NKAIN2: variants seen among roughly 807,000 people sequenced by gnomAD.
NKAIN2 encodes the protein sodium/potassium transporting ATPase interacting 2, also known as sodium/potassium-transporting ATPase subunit beta-1-interacting protein 2.
A neutral mutation model predicts 32.6 loss-of-function variants in NKAIN2; 14 were observed. The ratio of observed to expected loss-of-function variants is 0.43; its 90% CI spans 0.28 to 0.67. The LOEUF (loss-of-function observed/expected upper bound fraction) is 0.67. Ranked by LOEUF, NKAIN2 falls within the 30% of genes least tolerant of loss-of-function variation. The pLI is 0.17. For synonymous variants in NKAIN2, 80 were observed against 87.2 expected (o/e 0.92, Z 0.46); for missense variants, 198 against 258.3 (o/e 0.77, Z 1.60).
chr6:123,886,578 A>T (rs2114353448), intron 1 of NKAIN2, among the ~76,000 whole-genome samples: 1 of 152,296 alleles, frequency 6.6e-6, no homozygotes, highest in African/African-American at 2.4e-5. Context: ...GAACTAATGA[A>T]AATTGCTGAT....
At chr6:124,723,040 ATGT>A (rs1300676951) in intron 4 of NKAIN2, among the ~76,000 whole-genome samples, 1 of 152,162 alleles carries the variant, frequency 6.6e-6, no homozygotes, top group Non-Finnish European at 1.5e-5. Context: ...GGTGCCTGAG[ATGT>A]TGTTTTCAAT....
intron 1 of NKAIN2, among the ~76,000 whole-genome samples, chr6:123,990,249 A>G (rs1779356604): frequency 6.6e-6 from 1 of 152,332 alleles, no homozygotes; most frequent in South Asian, 2.1e-4. Context: ...GGGGATTACA[A>G]TTCAAGATGA....
chr6:123,992,376 G>T (rs545592528), intron 1 of NKAIN2, among the ~76,000 whole-genome samples: 1 of 152,240 alleles, frequency 6.6e-6, no homozygotes, highest in Non-Finnish European at 1.5e-5. Flanking sequence ...TGAAGGTGGT[G>T]GTGGTGGTCC....
chr6:124,202,822 A>C (rs1790659385), intron 1 of NKAIN2, among the ~76,000 whole-genome samples: 1 of 151,828 alleles, frequency 6.6e-6, no homozygotes, highest in Admixed American at 6.6e-5. Context: ...CCAGAAGCTT[A>C]TGAGGGAGTT....
At chr6:124,317,579 A>T (rs964453432) in intron 2 of NKAIN2, among the ~76,000 whole-genome samples, 2 of 152,048 alleles carry the variant, frequency 1.3e-5, no homozygotes, top group African/African-American at 4.8e-5. Flanking sequence ...TGTGAACTTT[A>T]CTAGGGTGAT....
At chr6:124,449,662 A>G (rs1396228784) in intron 3 of NKAIN2, among the ~76,000 whole-genome samples, 2 of 151,952 alleles carry the variant, frequency 1.3e-5, no homozygotes, top group African/African-American at 2.4e-5. Context: ...ACACACATAC[A>G]CACACACACA....
At chr6:124,516,999 A>G (rs1378381007) in intron 3 of NKAIN2, among the ~76,000 whole-genome samples, 2 of 152,222 alleles carry the variant, frequency 1.3e-5, no homozygotes, top group African/African-American at 2.4e-5. Flanking sequence ...TTTTGAGGGC[A>G]TATAGGATAC....
At chr6:123,863,934 A>G (rs1775887312) in intron 1 of NKAIN2, among the ~76,000 whole-genome samples, 1 of 152,194 alleles carries the variant, frequency 6.6e-6, no homozygotes, top group African/African-American at 2.4e-5. Context: ...CTTAATGAAG[A>G]AAAAAGGAGT....
At chr6:123,820,760 T>C (rs960674205) in intron 1 of NKAIN2, among the ~76,000 whole-genome samples, 1 of 152,232 alleles carries the variant, frequency 6.6e-6, no homozygotes, top group Non-Finnish European at 1.5e-5. Flanking sequence ...AATTGGGATA[T>C]TGTTGCCAAC....
chr6:124,167,919 A>G (rs1332437055), intron 1 of NKAIN2, among the ~76,000 whole-genome samples: 2 of 152,132 alleles, frequency 1.3e-5, no homozygotes, highest in African/African-American at 4.8e-5. Flanking sequence ...AAACTTTGCA[A>G]TGTAATGTTT....
At chr6:124,157,348 G>GT (rs1174078979) in intron 1 of NKAIN2, among the ~76,000 whole-genome samples, 1 of 151,382 alleles carries the variant, frequency 6.6e-6, no homozygotes, top group Non-Finnish European at 1.5e-5. Context: ...ATATATTAAG[G>GT]TTTTTTATGC....
intron 5 of NKAIN2, among the ~76,000 whole-genome samples, chr6:124,808,629 G>A (rs189892798): frequency 6.6e-6 from 1 of 152,282 alleles, no homozygotes; most frequent in East Asian, 1.9e-4. Context: ...GGAAGTTATG[G>A]CCAGGGCAAT....
chr6:124,283,076 A>G lies in NKAIN2; in HGVS notation c.126A>G (p.Val42=). 1 of 1,610,744 alleles carries G rather than the reference A, an allele frequency of 6.2e-7. No individual in the cohort carries two copies. The highest frequency in any genetic ancestry group is 8.5e-7 in the Non-Finnish European group (1 of 1,176,962). Residue 42 remains valine, a synonymous_variant, in exon 2 of 7, where the codon GTA becomes GTG. Coordinates refer to ENST00000368417, the MANE Select transcript of NKAIN2 (RefSeq NM_001040214.3). Reference sequence around the variant, plus strand: ...GGGCACCTATCCTGGCAAATTTTGTACATATTATTATCGTCATTCTTGGTT... The same window carrying G: ...GGGCACCTATCCTGGCAAATTTTGTGCATATTATTATCGTCATTCTTGGTT... ...YQWAPILANF[V]HIIIVILGLF...
chr6:124,515,608 C>A (rs149213051), intron 3 of NKAIN2, among the ~76,000 whole-genome samples: 1 of 152,090 alleles, frequency 6.6e-6, no homozygotes, highest in Admixed American at 6.6e-5. Context: ...AAAGACCCCC[C>A]ATTAGGCTCC....
chr6:124,408,088 G>A (rs1161853657), intron 3 of NKAIN2, among the ~76,000 whole-genome samples: 3 of 151,994 alleles, frequency 2.0e-5, no homozygotes, highest in Non-Finnish European at 4.4e-5. Context: ...TGTAGATTCT[G>A]GATATTAGCC....
At chr6:124,101,939 G>C (rs187810128) in intron 1 of NKAIN2, among the ~76,000 whole-genome samples, 1 of 152,080 alleles carries the variant, frequency 6.6e-6, no homozygotes, top group Non-Finnish European at 1.5e-5. Context: ...AAACTTCCTG[G>C]GATCCCAATT....
At chr6:124,062,819 G>A (rs1306419699) in intron 1 of NKAIN2, among the ~76,000 whole-genome samples, 1 of 151,986 alleles carries the variant, frequency 6.6e-6, no homozygotes, top group African/African-American at 2.4e-5. Flanking sequence ...ATACTTAGTG[G>A]GTTTCTCTAT....
rs138847707 is a variant in NKAIN2, at chr6:123,984,991, A to G, written c.54+180737A>G. Among the ~76,000 whole-genome samples, 811 of 152,314 alleles carry G rather than the reference A, an allele frequency of 5.3e-3. 8 individuals carry two copies. Among genetic ancestry groups the G allele is most frequent in the African/African-American group, 0.019 (778 of 41,572 alleles). On this transcript the variant is annotated intron_variant, in intron 1 of 6. Coordinates refer to ENST00000368417, the MANE Select transcript of NKAIN2 (RefSeq NM_001040214.3). ...TCTGGCAAAATGTGTTAAATTTATA[A>G]TTTTAAATCCTCTGATTTAGTGACC...
intron 3 of NKAIN2, among the ~76,000 whole-genome samples, chr6:124,455,756 C>A (rs977545138): frequency 6.6e-6 from 1 of 151,800 alleles, no homozygotes; most frequent in African/African-American, 2.4e-5. Context: ...TGGACATTTG[C>A]ATGTGCCTAT....
Sources: gnomAD v4.1 joint callset for allele counts (sites outside exome capture counted in the v4.1 genomes callset) on GRCh38, gnomAD v4.1.1 for gene constraint, MANE v1.5 for transcripts, NCBI Gene and HGNC (gene_info 2026-07-23, HGNC 2026-07-21) for gene names.